The following FHOD3 variants were observed in gnomAD, a reference collection of about 807,000 sequenced individuals.
FHOD3 encodes formin homology 2 domain containing 3.
A neutral mutation model predicts 173.0 loss-of-function variants in FHOD3; 90 were observed. That is an observed-to-expected ratio of 0.52 (90% CI 0.44 to 0.62). The LOEUF (loss-of-function observed/expected upper bound fraction) is 0.62. Ranked by LOEUF, FHOD3 falls within the 20% of genes least tolerant of loss-of-function variation. The pLI is 0.00. For missense variants in FHOD3, 1,945 were observed against 2,034.7 expected, an observed-to-expected ratio of 0.96 and a Z score of 0.85; for synonymous variants, 828 against 823.0, an observed-to-expected ratio of 1.01 and a Z score of -0.10.
intron 3 of FHOD3, among the ~76,000 whole-genome samples, chr18:36,395,709 G>C (rs2048524866): frequency 6.6e-6 from 1 of 151,974 alleles, no homozygotes; most frequent in African/African-American, 2.4e-5. Context: ...ATATTAAAAG[G>C]ATTTACAAAA....
chr18:36,618,311 G>GTTT (rs34019893), intron 9 of FHOD3, among the ~76,000 whole-genome samples: 58 of 70,826 alleles, frequency 8.2e-4, no homozygotes, highest in East Asian at 1.6e-3. Flanking sequence ...TTTTTTGGTG[G>GTTT]TTTTTTTTTT....
At chr18:36,510,316 A>G (rs1234876422) in intron 4 of FHOD3, among the ~76,000 whole-genome samples, 1 of 152,216 alleles carries the variant, frequency 6.6e-6, no homozygotes, top group Non-Finnish European at 1.5e-5. Flanking sequence ...ATGCTCATAT[A>G]TTTTAGGATA....
At chr18:36,597,360 A>C (rs2030621670) in intron 7 of FHOD3, among the ~76,000 whole-genome samples, 1 of 152,080 alleles carries the variant, frequency 6.6e-6, no homozygotes, top group Admixed American at 6.5e-5. Flanking sequence ...ATTAGTAAAA[A>C]TAATAATAAT....
chr18:36,609,911 C>G (rs1025163657), intron 8 of FHOD3, among the ~76,000 whole-genome samples: 17 of 152,116 alleles, frequency 1.1e-4, no homozygotes, highest in African/African-American at 3.4e-4. Context: ...TGTGCCTGGC[C>G]CCTGCTTACT....
chr18:36,389,990 G>A (rs756403317), intron 3 of FHOD3, among the ~76,000 whole-genome samples: 5 of 152,182 alleles, frequency 3.3e-5, no homozygotes, highest in African/African-American at 1.2e-4. Context: ...GTCATGAGCT[G>A]TCTCAGTGGT....
At chr18:36,343,421 A>G (rs928091272) in intron 1 of FHOD3, among the ~76,000 whole-genome samples, 2 of 152,226 alleles carry the variant, frequency 1.3e-5, no homozygotes, top group Admixed American at 6.5e-5. Flanking sequence ...GACCACTGCT[A>G]TAGTTTGGAT....
At chr18:36,664,896 G>A (rs1165563576) in intron 14 of FHOD3, among the ~76,000 whole-genome samples, 1 of 151,456 alleles carries the variant, frequency 6.6e-6, no homozygotes, top group Non-Finnish European at 1.5e-5. Context: ...CAGCACTTTG[G>A]GAGGCTGAGG....
rs74966651 is a variant in FHOD3 at position 36,526,982 on chromosome 18, T to C, written c.511+14439T>C. Among the ~76,000 whole-genome samples, 952 of 152,316 alleles carry C rather than the reference T, an allele frequency of 6.3e-3. 10 individuals carry two copies. The highest frequency in any genetic ancestry group is 0.022 in the African/African-American group (902 of 41,570). ...AAGAATAGCTGAACCTTTTGTAAAT[T>C]ACAGTTGAGATGTTAACCTTCTAGA... is the stretch of plus-strand genomic sequence containing the variant. On this transcript the variant is annotated intron_variant, in intron 5 of 28. Coordinates refer to ENST00000590592, the MANE Select transcript of FHOD3 (RefSeq NM_001281740.3).
intron 10 of FHOD3, among the ~76,000 whole-genome samples, chr18:36,638,070 T>A (rs1456850241): frequency 6.6e-6 from 1 of 152,206 alleles, no homozygotes; most frequent in Non-Finnish European, 1.5e-5. Context: ...ACTTAACTGT[T>A]ATCAGTAGTA....
intron 23 of FHOD3, among the ~76,000 whole-genome samples, chr18:36,745,703 G>T (rs968808385): frequency 6.6e-6 from 1 of 151,022 alleles, no homozygotes; most frequent in Non-Finnish European, 1.5e-5. Context: ...CGCATCTCCC[G>T]CTCAGCCCCT....
chr18:36,777,733 G>A (rs894065427), intron 28 of FHOD3: 9 of 152,162 alleles, frequency 5.9e-5, no homozygotes, highest in African/African-American at 2.2e-4. Flanking sequence ...CTGAGACTTA[G>A]GAGCCAAACA....
chr18:36,762,145 A>C (rs1027869967), intron 27 of FHOD3, among the ~76,000 whole-genome samples: 2 of 152,216 alleles, frequency 1.3e-5, no homozygotes, highest in African/African-American at 4.8e-5. Flanking sequence ...GCTGTTGTCA[A>C]CATTCTTAAA....
intron 1 of FHOD3, among the ~76,000 whole-genome samples, chr18:36,345,224 G>C (rs564558260): frequency 6.6e-6 from 1 of 151,848 alleles, no homozygotes; most frequent in South Asian, 2.1e-4. Context: ...TTTTATCACG[G>C]TGAAATTAAG....
intron 19 of FHOD3, among the ~76,000 whole-genome samples, chr18:36,721,399 A>C (rs2040781504): frequency 6.6e-6 from 1 of 152,186 alleles, no homozygotes; most frequent in Non-Finnish European, 1.5e-5. Flanking sequence ...CCAGCACTTT[A>C]GGAGGCCAAG....
chr18:36,719,398 G>T (rs1206677323), intron 19 of FHOD3, among the ~76,000 whole-genome samples: 2 of 145,224 alleles, frequency 1.4e-5, no homozygotes, highest in Non-Finnish European at 3.0e-5. Flanking sequence ...GGCACCAAAG[G>T]TTAAGTCATG....
At chr18:36,612,269 A>C (rs989365807) in intron 9 of FHOD3, among the ~76,000 whole-genome samples, 174 bp downstream of exon 9, 1 of 152,252 alleles carries the variant, frequency 6.6e-6, no homozygotes, top group South Asian at 2.1e-4. Context: ...AGGGCCCAGC[A>C]GACCATGTTA....
At chr18:36,680,673 T>C (rs891985812) in intron 14 of FHOD3, among the ~76,000 whole-genome samples, 10 of 152,258 alleles carry the variant, frequency 6.6e-5, no homozygotes, top group African/African-American at 2.4e-4. Flanking sequence ...GTCCAGACTC[T>C]TGTGTGATGT....
At chr18:36,776,451 T>C (rs191992686) in intron 28 of FHOD3, among the ~76,000 whole-genome samples, 107 of 152,334 alleles carry the variant, frequency 7.0e-4, no homozygotes, top group Non-Finnish European at 1.2e-3. Flanking sequence ...AGACTGATTT[T>C]AGCTGATTAC....
intron 19 of FHOD3, among the ~76,000 whole-genome samples, chr18:36,730,363 A>AT (rs903116066): frequency 5.6e-4 from 85 of 151,898 alleles, no homozygotes; most frequent in Non-Finnish European, 4.4e-4. Context: ...GAAAAAACAG[A>AT]TTTTTTTTTC....
Sources: gnomAD v4.1 joint callset for allele counts (sites outside exome capture counted in the v4.1 genomes callset) on GRCh38, gnomAD v4.1.1 for gene constraint, MANE v1.5 for transcripts, NCBI Gene and HGNC (gene_info 2026-07-23, HGNC 2026-07-21) for gene names.